FAM24A: variants seen among roughly 807,000 people sequenced by gnomAD.
The protein encoded by FAM24A is family with sequence similarity 24 member A, also known as protein FAM24A.
In FAM24A, 2 loss-of-function variants were observed where a neutral mutation model predicts 2.8. The observed-to-expected ratio is 0.73, with a 90% CI of 0.30 to 2.28. FAM24A has a LOEUF of 2.28. FAM24A is among the 30% of genes most tolerant of loss of function. The probability of loss-of-function intolerance (pLI) is 0.12; values close to 1 mark genes in which losing one functional copy is unlikely to be tolerated. For missense variants in FAM24A, 109 were observed against 132.0 expected (o/e 0.83, Z 0.85); for synonymous variants, 46 against 47.5 (o/e 0.97, Z 0.13).
Position 122,910,638 on chromosome 10 carries a change from T to A in FAM24A, c.-184T>A, listed in dbSNP as rs1848308426. ...CTACCAGCTCTGGCTGAGCCTGAGC[T>A]TCCAAAAGTGAGCTGAGCTGTTCAA... On this transcript the variant is annotated 5_prime_UTR_variant, in exon 1 of 3. Transcript: ENST00000368894. 1 of 152,174 alleles carries A rather than the reference T, an allele frequency of 6.6e-6. No homozygotes were observed. The highest frequency in any genetic ancestry group is 2.4e-5 in the African/African-American group (1 of 41,458). The allele number at this position is 152,174 out of a possible 1,614,324, so 9.4% of individuals were successfully genotyped here.
At position 122,912,824 on chromosome 10, in the gene FAM24A, C is replaced by T. The variant is rs759442963; in HGVS notation, c.188C>T (p.Ala63Val). The change falls in exon 3 of 3, where the codon GCC becomes GTC. Residue 63 changes from alanine (A) to valine (V), a missense_variant. Physicochemically the swap from Ala to Val is moderately conservative, Grantham distance 64 (BLOSUM62 0). Transcript: ENST00000368894. ...CACAACCCAGACAAGGTGTGTTGGG[C>T]CACGAACAGCCAGGCCAAAGCCACC... ...KNHNPDKVCW[A>V]TNSQAKATTM... The T allele has an allele frequency of 6.2e-7, 1 of 1,614,032 alleles. No homozygotes were observed. Among genetic ancestry groups the T allele is most frequent in the Non-Finnish European group, 8.5e-7 (1 of 1,180,048 alleles).
chr10:122,912,627 A>C, intron 2 of FAM24A, 135 bp from the exon 3 acceptor site: 1 of 747,254 alleles, frequency 1.3e-6, no homozygotes, highest in East Asian at 2.6e-5. Context: ...GAGACAAGGG[A>C]GAGAGCCTTA....
chr10:122,911,420 C>T (rs1238882911), intron 1 of FAM24A, among the ~76,000 whole-genome samples: 1 of 152,124 alleles, frequency 6.6e-6, no homozygotes, highest in Non-Finnish European at 1.5e-5. Context: ...TTATGATTTC[C>T]TTCCCTCTGG....
chr10:122,911,487 C>T (rs1228883800), intron 1 of FAM24A, 146 bp from the exon 2 acceptor site: 23 of 1,179,866 alleles, frequency 1.9e-5, no homozygotes, highest in Middle Eastern at 3.0e-4. Context: ...TGCCCCTGGA[C>T]CAGCTTAGGA....
chr10:122,912,683 C>T, intron 2 of FAM24A, 79 bp from the exon 3 acceptor site: 1 of 1,424,156 alleles, frequency 7.0e-7, no homozygotes, highest in Non-Finnish European at 9.6e-7. Flanking sequence ...CACTAAACTT[C>T]CCAGATACCC....
rs539308915 is a variant in FAM24A at position 122,912,846 on chromosome 10, C to T, written c.210C>T (p.Ala70=). Residue 70 remains alanine (A), a synonymous_variant, in exon 3 of 3, where the codon GCC becomes GCT. Coordinates refer to ENST00000368894, the MANE Select transcript of FAM24A (RefSeq NM_001029888.3). ...VCWATNSQAK[A]TTMESCPSLQ... is the part of the protein sequence containing the mutation. ...GGGCCACGAACAGCCAGGCCAAAGC[C>T]ACCACCATGGAGTCTTGTCCATCTC... is the stretch of plus-strand genomic sequence containing the variant. The T allele has an allele frequency of 3.7e-6, 6 of 1,614,168 alleles. No individual in the cohort carries two copies. The South Asian group carries it at 6.6e-5, about 18-fold the overall frequency.
chr10:122,911,494 A>AT, intron 1 of FAM24A, 139 bp from the exon 2 acceptor site: 1 of 1,265,216 alleles, frequency 7.9e-7, no homozygotes, highest in Non-Finnish European at 1.1e-6. Context: ...GGACCAGCTT[A>AT]GGATCCTAGG....
chr10:122,911,679 C>T lies in FAM24A; in HGVS notation c.45C>T (p.Ile15=), dbSNP rs377103029. ...FDLRTKIMIG[I]GSSLLVAAMV... ...TCAGGACGAAGATCATGATCGGCAT[C>T]GGAAGCAGCTTACTGGTTGCCGCGA... is the stretch of plus-strand genomic sequence containing the variant. The change falls in exon 2 of 3, where the codon ATC becomes ATT. Residue 15 remains isoleucine, a synonymous_variant. Coordinates refer to ENST00000368894, the MANE Select transcript of FAM24A (RefSeq NM_001029888.3). The T allele has an allele frequency of 6.3e-5, 102 of 1,614,146 alleles. 2 individuals carry two copies. The highest frequency in any genetic ancestry group is 3.3e-4 in the Middle Eastern group (2 of 6,042).
At chr10:122,912,538 A>T (rs1422666697) in intron 2 of FAM24A, among the ~76,000 whole-genome samples, 1 of 152,074 alleles carries the variant, frequency 6.6e-6, no homozygotes, top group Non-Finnish European at 1.5e-5. Flanking sequence ...GATTGCTTGC[A>T]ATTCACTTAC....
In FAM24A at chr10:122,910,702, C is replaced by T. The variant is rs1214537931; in HGVS notation, c.-120C>T. The T allele has an allele frequency of 6.6e-6, 1 of 152,122 alleles. No homozygotes were observed. The highest frequency in any genetic ancestry group is 1.5e-5 in the Non-Finnish European group (1 of 68,012). 9.4% of individuals were successfully genotyped at this position (152,122 alleles called of 1,614,324 possible). A position where few individuals can be genotyped will look rare whatever the true frequency, so the allele number is the denominator to read the frequency against. On this transcript the variant is annotated 5_prime_UTR_variant, in exon 1 of 3. Transcript: ENST00000368894. The stretch of plus-strand genomic sequence containing the variant: ...TTACTCCTAGCAGGGATAATTAGGT[C>T]CCTCTTTCTCAGATTACAGGTTTGA...
At position 122,910,742 on chromosome 10, in the gene FAM24A, C is replaced by T. The variant is rs186181741; in HGVS notation, c.-80C>T. 1 of 152,278 alleles carries T rather than the reference C, an allele frequency of 6.6e-6. No homozygotes were observed. Among genetic ancestry groups the T allele is most frequent in the East Asian group, 1.9e-4 (1 of 5,180 alleles). The allele number at this position is 152,278 out of a possible 1,614,324, so 9.4% of individuals were successfully genotyped here. A position where few individuals can be genotyped will look rare whatever the true frequency, so the allele number is the denominator to read the frequency against. On this transcript the variant is annotated 5_prime_UTR_variant, in exon 1 of 3. Transcript: ENST00000368894. Reference sequence around the variant, plus strand: ...TACAGGTTTGAGAAGTTCCAAATATCCGATGCCCTAGAGGTTTTTTTCCCT... The same window carrying T: ...TACAGGTTTGAGAAGTTCCAAATATTCGATGCCCTAGAGGTTTTTTTCCCT...
At chr10:122,910,956 A>G (rs1224223049) in intron 1 of FAM24A, 137 bp downstream of exon 1, 1 of 152,222 alleles carries the variant, frequency 6.6e-6, no homozygotes, top group African/African-American at 2.4e-5. Flanking sequence ...TTACTAGGAA[A>G]AATGGCAGAG....
At chr10:122,911,462 A>G (rs954949584) in intron 1 of FAM24A, among the ~76,000 whole-genome samples, 171 bp from the exon 2 acceptor site, 2 of 152,130 alleles carry the variant, frequency 1.3e-5, no homozygotes, top group African/African-American at 4.8e-5. Context: ...TTACCCATAA[A>G]TAAGTCCTTT....
chr10:122,912,118 G>A (rs1848325281), intron 2 of FAM24A, among the ~76,000 whole-genome samples: 1 of 152,112 alleles, frequency 6.6e-6, no homozygotes, highest in Admixed American at 6.5e-5. Context: ...ACCTCCCCTG[G>A]GCACCGTAGG....
chr10:122,912,690 AC>A (rs1848330905), intron 2 of FAM24A, 71 bp from the exon 3 acceptor site: 1 of 1,450,816 alleles, frequency 6.9e-7, no homozygotes. Flanking sequence ...CTTCCCAGAT[AC>A]CCCCAACAAT....
At position 122,911,737 on chromosome 10, in the gene FAM24A, T is replaced by G; in HGVS notation, c.103T>G (p.Phe35Val). ...VLLSVVFCLY[F>V]KVAKALKAAK... ...CCTAAGTGTTGTGTTCTGTCTTTAC[T>G]TCAAAGTAGCTAAGGCACTAAAGTG... Residue 35 changes from phenylalanine (F) to valine (V), a missense_variant, in exon 2 of 3, where the codon TTC becomes GTC. Transcript: ENST00000368894. 2 of 1,614,162 alleles carry G rather than the reference T, an allele frequency of 1.2e-6. No homozygotes were observed. Among genetic ancestry groups the G allele is most frequent in the South Asian group, 2.2e-5 (2 of 91,086 alleles).
Position 122,911,623 on chromosome 10 carries a change from T to G in FAM24A, c.-2-10T>G. 6.2e-7 allele frequency: 1 copy of G among 1,613,174 alleles called. No homozygotes were observed. The highest frequency in any genetic ancestry group is 8.5e-7 in the Non-Finnish European group (1 of 1,179,862). On this transcript the variant is annotated splice_polypyrimidine_tract_variant and intron_variant, in intron 1 of 2. Coordinates refer to ENST00000368894, the MANE Select transcript of FAM24A (RefSeq NM_001029888.3). The stretch of plus-strand genomic sequence containing the variant: ...AGGCCACGTTCTGCTTCCCTGCACT[T>G]TCTCCTTAGGCATGGCAAAGATGTT...
chr10:122,912,671 A>G (rs1302135684), intron 2 of FAM24A, 91 bp from the exon 3 acceptor site: 20 of 1,236,582 alleles, frequency 1.6e-5, no homozygotes, highest in Non-Finnish European at 2.2e-5. Flanking sequence ...GATTGGCTTC[A>G]GCACTAAACT....
intron 1 of FAM24A, 131 bp downstream of exon 1, chr10:122,910,950 T>G (rs114153299): frequency 6.6e-6 from 1 of 152,088 alleles, no homozygotes; most frequent in Non-Finnish European, 1.5e-5. Context: ...TAGTATTTAC[T>G]AGGAAAAATG....
Sources: gnomAD v4.1 joint callset for allele counts (sites outside exome capture counted in the v4.1 genomes callset) on GRCh38, gnomAD v4.1.1 for gene constraint, MANE v1.5 for transcripts, NCBI Gene and HGNC (gene_info 2026-07-23, HGNC 2026-07-21) for gene names.